Variants in PDE11A observed in about 807,000 individuals in gnomAD.
The protein encoded by PDE11A is phosphodiesterase 11A.
A neutral mutation model predicts 100.5 loss-of-function variants in PDE11A; 100 were observed. The observed-to-expected ratio is 1.00, with a 90% confidence interval of 0.85 to 1.18. PDE11A has a LOEUF of 1.18. Ranked by LOEUF, PDE11A falls within the 50% of genes most tolerant of loss-of-function variation. The pLI, the probability that PDE11A is intolerant of heterozygous loss-of-function variation, is 0.00. For missense variants in PDE11A, 1,141 were observed against 1,152.6 expected (o/e 0.99, Z 0.15); for synonymous variants, 381 against 420.8 (o/e 0.91, Z 1.16).
chr2:177,695,527 C>T (rs2081098905), intron 15 of PDE11A, among the ~76,000 whole-genome samples: 1 of 152,130 alleles, frequency 6.6e-6, no homozygotes, highest in Non-Finnish European at 1.5e-5. Flanking sequence ...CTTATAGACT[C>T]CTAGCTTCTA....
chr2:177,720,204 T>A (rs1288692941), intron 12 of PDE11A, among the ~76,000 whole-genome samples: 1 of 152,102 alleles, frequency 6.6e-6, no homozygotes, highest in Non-Finnish European at 1.5e-5. Flanking sequence ...CTAATGGGTA[T>A]CAAACTGTTT....
intron 2 of PDE11A, among the ~76,000 whole-genome samples, chr2:177,936,893 G>C (rs1428172843): frequency 2.0e-5 from 3 of 151,750 alleles, no homozygotes; most frequent in Non-Finnish European, 4.4e-5. Flanking sequence ...TTGCACTCCA[G>C]CCTTGGTGAC....
At chr2:177,871,483 A>ATTTATGGG (rs1225398081) in intron 5 of PDE11A, among the ~76,000 whole-genome samples, 2 of 151,600 alleles carry the variant, frequency 1.3e-5, no homozygotes, top group Admixed American at 1.3e-4. Context: ...GAGGGAGAGG[A>ATTTATGGG]TTTATGGGTG....
chr2:177,769,385 GAA>G lies in PDE11A; in HGVS notation c.1738-14_1738-13del. On this transcript the variant is annotated splice_polypyrimidine_tract_variant and intron_variant, in intron 9 of 19. Transcript: ENST00000286063. ...TGGTATGATAGCACCTGATTCAGAA[GAA>G]AAAAAAATAATTTTAATAACTAGAC... 4 of 1,504,140 alleles carry G rather than the reference GAA, an allele frequency of 2.7e-6. No homozygotes were observed. The highest frequency in any genetic ancestry group is 3.7e-6 in the Non-Finnish European group (4 of 1,084,834). The allele number at this position is 1,504,140 out of a possible 1,614,324, so 93.2% of individuals were successfully genotyped here.
rs1030220898 is a variant in PDE11A, at chr2:177,995,647, C to CCT, written c.1071+18654_1071+18655insAG. Reference sequence around the variant, plus strand: ...GACATTAAATACTCCACAAACACCACCCACCCCGCATCTGCTGTTTTAACC... The same window carrying CCT: ...GACATTAAATACTCCACAAACACCACCTCCACCCCGCATCTGCTGTTTTAACC... On this transcript the variant is annotated intron_variant, in intron 2 of 19. Coordinates refer to ENST00000286063, the MANE Select transcript of PDE11A (RefSeq NM_016953.4). Among the ~76,000 whole-genome samples the CCT allele has an allele frequency of 7.5e-4, 20 of 26,576 alleles. 1 individual carries two copies. In the Admixed American group the frequency reaches 0.014, roughly 19 times the overall value. The allele number at this position is 26,576 out of a possible 152,430, so 17.4% of individuals were successfully genotyped here. A position where few individuals can be genotyped will look rare whatever the true frequency, so the allele number is the denominator to read the frequency against.
At chr2:178,003,239 A>G (rs1483227991) in intron 2 of PDE11A, among the ~76,000 whole-genome samples, 3 of 152,142 alleles carry the variant, frequency 2.0e-5, no homozygotes, top group Non-Finnish European at 2.9e-5. Flanking sequence ...TCACACAAAA[A>G]CTTGTAAATA....
chr2:177,778,022 T>G (rs1436098157), intron 9 of PDE11A, among the ~76,000 whole-genome samples: 1 of 152,232 alleles, frequency 6.6e-6, no homozygotes, highest in East Asian at 1.9e-4. Context: ...TAATTAACTT[T>G]TGGATTGAAC....
intron 1 of PDE11A, among the ~76,000 whole-genome samples, chr2:178,024,576 T>C (rs1288194849): frequency 1.3e-5 from 2 of 152,228 alleles, no homozygotes. Context: ...AACATCATAT[T>C]AGCCCATTGC....
At position 178,071,670 on chromosome 2, in the gene PDE11A, T is replaced by C; in HGVS notation, c.768A>G (p.Lys256=). ...GTGTTCCTGCATGCACATCAAAGAATTTGGAGACCAAGGTCTTCTTGCCAG... is the reference window on the plus strand; with the variant it reads ...GTGTTCCTGCATGCACATCAAAGAACTTGGAGACCAAGGTCTTCTTGCCAG... ...AAAGKKTLVS[K]FFDVHAGTPL... The change falls in exon 1 of 20, where the codon AAA becomes AAG. Residue 256 remains lysine, a synonymous_variant. Coordinates refer to ENST00000286063, the MANE Select transcript of PDE11A (RefSeq NM_016953.4). 6.2e-7 allele frequency: 1 copy of C among 1,613,556 alleles called. No homozygotes were observed. Among genetic ancestry groups the C allele is most frequent in the Admixed American group, 1.7e-5 (1 of 60,018 alleles).
At chr2:177,944,470 A>G (rs1370634872) in intron 2 of PDE11A, among the ~76,000 whole-genome samples, 5 of 152,188 alleles carry the variant, frequency 3.3e-5, no homozygotes, top group African/African-American at 4.8e-5. Context: ...GAACTACACT[A>G]AGGATTCTTG....
intron 4 of PDE11A, among the ~76,000 whole-genome samples, chr2:177,891,215 G>A (rs1041988773): frequency 3.3e-5 from 5 of 152,010 alleles, no homozygotes; most frequent in South Asian, 4.2e-4. Context: ...GCTTGAACCC[G>A]GGAGGCGGAG....
At chr2:177,840,460 C>G in intron 5 of PDE11A, 77 bp from the exon 6 acceptor site, 1 of 1,228,646 alleles carries the variant, frequency 8.1e-7, no homozygotes, top group Non-Finnish European at 1.2e-6. Flanking sequence ...ATAAACTACA[C>G]TAATATCAGG....
At chr2:177,964,183 T>C (rs1475681302) in intron 2 of PDE11A, among the ~76,000 whole-genome samples, 1 of 151,880 alleles carries the variant, frequency 6.6e-6, no homozygotes, top group Non-Finnish European at 1.5e-5. Context: ...AGGGTCTTGC[T>C]CTGTCACAGA....
chr2:177,712,501 A>G (rs2081371865), intron 12 of PDE11A, among the ~76,000 whole-genome samples: 1 of 152,220 alleles, frequency 6.6e-6, no homozygotes, highest in African/African-American at 2.4e-5. Context: ...TGTCATGGAC[A>G]CCAGAATTTG....
chr2:177,674,418 G>A (rs957964745), intron 17 of PDE11A, among the ~76,000 whole-genome samples: 12 of 152,202 alleles, frequency 7.9e-5, no homozygotes, highest in African/African-American at 1.7e-4. Flanking sequence ...GACAGAATTC[G>A]TTCCTTGCCT....
intron 2 of PDE11A, among the ~76,000 whole-genome samples, chr2:177,992,537 G>C (rs1469326639): frequency 6.6e-6 from 1 of 152,082 alleles, no homozygotes; most frequent in Non-Finnish European, 1.5e-5. Context: ...TTCCACTAAT[G>C]TTTCTATGTC....
At chr2:177,718,886 T>C (rs963399674) in intron 12 of PDE11A, among the ~76,000 whole-genome samples, 2 of 152,206 alleles carry the variant, frequency 1.3e-5, no homozygotes, top group African/African-American at 4.8e-5. Flanking sequence ...CTAAAAAGTG[T>C]CCATTCATTC....
chr2:178,020,400 C>T lies in PDE11A; in HGVS notation c.913-5940G>A, dbSNP rs181061291. Among the ~76,000 whole-genome samples, 702 of 152,330 alleles carry T rather than the reference C, an allele frequency of 4.6e-3. 11 individuals carry two copies. The highest frequency in any genetic ancestry group is 0.016 in the African/African-American group (657 of 41,582). ...CAAAGTCACATGAGAACAATAGACACTGGGATGCTTTAGCATGACAAGGAG... is the reference window on the plus strand; with the variant it reads ...CAAAGTCACATGAGAACAATAGACATTGGGATGCTTTAGCATGACAAGGAG... On this transcript the variant is annotated intron_variant, in intron 1 of 19. Transcript: ENST00000286063.
chr2:177,998,141 G>C lies in PDE11A; in HGVS notation c.1071+16161C>G, dbSNP rs184863719. On this transcript the variant is annotated intron_variant, in intron 2 of 19. Coordinates refer to ENST00000286063, the MANE Select transcript of PDE11A (RefSeq NM_016953.4). Reference sequence around the variant, plus strand: ...TCAGCCACCAACTTTACAAGTTGCTGTCTTCCACTTACTGTCTGTAAGCTT... The same window carrying C: ...TCAGCCACCAACTTTACAAGTTGCTCTCTTCCACTTACTGTCTGTAAGCTT... The C allele has an allele frequency of 3.7e-6, 4 of 1,082,772 alleles. No homozygotes were observed. In the Admixed American group the frequency reaches 5.1e-5, roughly 14 times the overall value. The allele number at this position is 1,082,772 out of a possible 1,614,324, so 67.1% of individuals were successfully genotyped here.
Sources: gnomAD v4.1 joint callset for allele counts (sites outside exome capture counted in the v4.1 genomes callset) on GRCh38, gnomAD v4.1.1 for gene constraint, MANE v1.5 for transcripts, NCBI Gene and HGNC (gene_info 2026-07-23, HGNC 2026-07-21) for gene names.